The following CCSER1 variants were observed in gnomAD, a reference collection of about 807,000 sequenced individuals.
The protein encoded by CCSER1 is coiled-coil serine rich protein 1, also known as serine-rich coiled-coil domain-containing protein 1.
A neutral mutation model predicts 82.0 loss-of-function variants in CCSER1; 41 were observed. The ratio of observed to expected loss-of-function variants is 0.50; its 90% CI spans 0.39 to 0.65. The LOEUF (loss-of-function observed/expected upper bound fraction) is 0.65. Ranked by LOEUF, CCSER1 falls within the 30% of genes least tolerant of loss-of-function variation. CCSER1 has a pLI of 0.00. For missense variants in CCSER1, 1,119 were observed against 1,064.2 expected, an observed-to-expected ratio of 1.05 and a Z score of -0.72; for synonymous variants, 414 against 383.9, an observed-to-expected ratio of 1.08 and a Z score of -0.92.
intron 10 of CCSER1, among the ~76,000 whole-genome samples, chr4:91,488,512 G>A (rs1454754359): frequency 6.6e-6 from 1 of 152,164 alleles, no homozygotes; most frequent in Non-Finnish European, 1.5e-5. Context: ...GGAGGGGCCT[G>A]GTGGGAGGTG....
chr4:90,618,745 C>T (rs928986914), intron 5 of CCSER1, among the ~76,000 whole-genome samples: 23 of 151,800 alleles, frequency 1.5e-4, no homozygotes, highest in African/African-American at 5.3e-4. Flanking sequence ...AATGATGATT[C>T]TCATCTTATT....
At chr4:91,287,315 T>C (rs774654104) in intron 10 of CCSER1, among the ~76,000 whole-genome samples, 1 of 152,002 alleles carries the variant, frequency 6.6e-6, no homozygotes, top group Non-Finnish European at 1.5e-5. Flanking sequence ...TTTTGTACTG[T>C]GCCTTCTGAT....
chr4:91,257,499 A>ACACACACC (rs1740786898), intron 10 of CCSER1, among the ~76,000 whole-genome samples: 2 of 151,240 alleles, frequency 1.3e-5, no homozygotes, highest in African/African-American at 4.9e-5. Context: ...ACACACACAC[A>ACACACACC]CACCCATTTC....
chr4:91,455,151 A>C (rs1756086279), intron 10 of CCSER1, among the ~76,000 whole-genome samples: 1 of 151,892 alleles, frequency 6.6e-6, no homozygotes, highest in African/African-American at 2.4e-5. Flanking sequence ...AAACATTCCA[A>C]GTGAAAATAA....
intron 10 of CCSER1, among the ~76,000 whole-genome samples, chr4:91,320,965 C>A (rs1366025286): frequency 6.6e-6 from 1 of 151,868 alleles, no homozygotes. Flanking sequence ...ACAAAGAAAA[C>A]CAAAAATTAA....
chr4:90,483,715 G>A (rs1013179408), intron 5 of CCSER1, among the ~76,000 whole-genome samples: 3 of 152,140 alleles, frequency 2.0e-5, no homozygotes, highest in Non-Finnish European at 4.4e-5. Flanking sequence ...CTCTCTTCTG[G>A]CTTGTAGAGT....
intron 4 of CCSER1, among the ~76,000 whole-genome samples, chr4:90,410,520 C>G (rs1310842835): frequency 1.3e-5 from 2 of 152,142 alleles, no homozygotes; most frequent in African/African-American, 4.8e-5. Flanking sequence ...ACAACCTGTT[C>G]TGAATGACTA....
At chr4:91,002,855 TG>T (rs902309231) in intron 9 of CCSER1, among the ~76,000 whole-genome samples, 1 of 152,222 alleles carries the variant, frequency 6.6e-6, no homozygotes, top group African/African-American at 2.4e-5. Flanking sequence ...TTGTTTTTTC[TG>T]GTTCCTTCTC....
chr4:90,875,454 T>C (rs956587449), intron 8 of CCSER1, among the ~76,000 whole-genome samples: 12 of 152,216 alleles, frequency 7.9e-5, no homozygotes, highest in Admixed American at 5.9e-4. Context: ...ACATCTCATC[T>C]ATTTTTAGAG....
At chr4:91,210,606 C>A (rs1345672284) in intron 10 of CCSER1, among the ~76,000 whole-genome samples, 1 of 150,494 alleles carries the variant, frequency 6.6e-6, no homozygotes, top group Non-Finnish European at 1.5e-5. Flanking sequence ...ATAATTCAAA[C>A]CCAAATAAAG....
At chr4:91,236,323 T>TA (rs112101133) in intron 10 of CCSER1, among the ~76,000 whole-genome samples, 3,936 of 152,102 alleles carry the variant, frequency 0.026, 169 homozygotes, top group African/African-American at 0.09. Context: ...CCGTCTCTAC[T>TA]AAAAATACAA....
intron 8 of CCSER1, among the ~76,000 whole-genome samples, chr4:90,837,840 A>C (rs973907766): frequency 2.0e-5 from 3 of 152,186 alleles, no homozygotes; most frequent in Non-Finnish European, 4.4e-5. Flanking sequence ...ATGTATCAGA[A>C]GTAGTTGTAA....
chr4:90,323,466 A>G (rs747101922), intron 3 of CCSER1, among the ~76,000 whole-genome samples: 8 of 152,164 alleles, frequency 5.3e-5, no homozygotes, highest in South Asian at 4.1e-4. Context: ...GGAAACCTCT[A>G]AATGGTTTCT....
intron 9 of CCSER1, among the ~76,000 whole-genome samples, chr4:91,037,750 C>G (rs1741577163): frequency 6.6e-6 from 1 of 151,438 alleles, no homozygotes; most frequent in Admixed American, 6.6e-5. Context: ...TTAATCTATT[C>G]ATTTATTTTT....
chr4:91,286,045 T>C (rs1029121991), intron 10 of CCSER1, among the ~76,000 whole-genome samples: 6 of 150,958 alleles, frequency 4.0e-5, no homozygotes, highest in Non-Finnish European at 8.9e-5. Flanking sequence ...AAAGTTTAGT[T>C]TTTTTTTTAA....
intron 10 of CCSER1, among the ~76,000 whole-genome samples, chr4:91,552,218 G>A (rs987664463): frequency 6.6e-6 from 1 of 151,690 alleles, no homozygotes; most frequent in African/African-American, 2.4e-5. Flanking sequence ...ATTCAATGAT[G>A]CTGAGTTAGA....
At chr4:90,596,240 GAA>G (rs1233178638) in intron 5 of CCSER1, among the ~76,000 whole-genome samples, 1 of 151,680 alleles carries the variant, frequency 6.6e-6, no homozygotes, top group Non-Finnish European at 1.5e-5. Context: ...AAATTTAAAT[GAA>G]AATATTAAAA....
At chr4:90,259,252 C>T (rs755318753) in intron 1 of CCSER1, among the ~76,000 whole-genome samples, 6 of 151,990 alleles carry the variant, frequency 3.9e-5, no homozygotes, top group Non-Finnish European at 7.4e-5. Context: ...AAAGGGATTG[C>T]GTTCTTGATG....
At chr4:90,421,246 A>C (rs1014466470) in intron 4 of CCSER1, among the ~76,000 whole-genome samples, 3 of 152,130 alleles carry the variant, frequency 2.0e-5, no homozygotes, top group African/African-American at 7.2e-5. Flanking sequence ...ATAGCATCTT[A>C]TCTCTTTTAT....
Sources: allele counts gnomAD v4.1 joint callset (sites outside exome capture counted in the v4.1 genomes callset), GRCh38; gene constraint gnomAD v4.1.1; transcripts MANE v1.5; gene names NCBI Gene and HGNC (gene_info 2026-07-23, HGNC 2026-07-21).